The following TRMT11 variants were observed in gnomAD, a reference collection of about 807,000 sequenced individuals.
TRMT11 encodes tRNA (guanine(10)-N(2))-methyltransferase TRMT11.
A neutral mutation model predicts 62.8 loss-of-function variants in TRMT11; 53 were observed. The ratio of observed to expected loss-of-function variants is 0.84; its 90% CI spans 0.68 to 1.06. The LOEUF (loss-of-function observed/expected upper bound fraction) is 1.06, where lower values mean the gene tolerates loss of function less well. Among genes scored for constraint, TRMT11 ranks in the 50% least tolerant of loss-of-function variants. The probability of loss-of-function intolerance (pLI) is 0.00; values close to 1 mark genes in which losing one functional copy is unlikely to be tolerated. For missense variants in TRMT11, 556 were observed against 553.4 expected (o/e 1.00, Z -0.05); for synonymous variants, 188 against 190.3 (o/e 0.99, Z 0.10).
At chr6:126,241,003 C>T in the TRMT11 span, among the ~76,000 whole-genome samples, 69 of 152,344 alleles carry the variant, frequency 4.5e-4, no homozygotes, top group African/African-American at 1.4e-3. Flanking sequence ...TAGGACCCTC[C>T]GAGCCAGGCA....
At chr6:126,223,343 C>T in the TRMT11 span, among the ~76,000 whole-genome samples, 2 of 152,132 alleles carry the variant, frequency 1.3e-5, no homozygotes, top group African/African-American at 4.8e-5. Context: ...GTGACATGAA[C>T]CCGGGAGGTG....
chr6:126,054,649 T>C (rs1195819161), intron 17 of TRMT11, among the ~76,000 whole-genome samples: 1 of 152,244 alleles, frequency 6.6e-6, no homozygotes, highest in African/African-American at 2.4e-5. Context: ...ATACAAACAC[T>C]GTTTCAGGGA....
chr6:126,007,133 G>A (rs73592131), intron 7 of TRMT11, among the ~76,000 whole-genome samples: 11,912 of 152,018 alleles, frequency 0.078, 1,479 homozygotes, highest in African/African-American at 0.26. Flanking sequence ...GCTTTTTGTA[G>A]TTAGTATGAG....
At chr6:126,214,336 T>C in the TRMT11 span, among the ~76,000 whole-genome samples, 1 of 152,052 alleles carries the variant, frequency 6.6e-6, no homozygotes, top group African/African-American at 2.4e-5. Context: ...AAATATCTGG[T>C]AAAATTTAGC....
At chr6:126,206,555 T>C (rs1333301022), downstream of TRMT11, among the ~76,000 whole-genome samples, 1 of 152,216 alleles carries the variant, frequency 6.6e-6, no homozygotes, top group Non-Finnish European at 1.5e-5. Flanking sequence ...TATAAAAACA[T>C]TTAATACAAA....
At chr6:126,197,702 T>C (rs946220431) in intron 1 of TRMT11, among the ~76,000 whole-genome samples, 4 of 152,206 alleles carry the variant, frequency 2.6e-5, no homozygotes, top group Non-Finnish European at 5.9e-5. Context: ...TGTTATATCA[T>C]TGACAAGATC....
intron 17 of TRMT11, among the ~76,000 whole-genome samples, chr6:126,110,611 A>G (rs541654295): frequency 6.6e-6 from 1 of 152,294 alleles, no homozygotes; most frequent in South Asian, 2.1e-4. Context: ...GAGGTGTTGT[A>G]TAAACGTACA....
downstream of TRMT11, among the ~76,000 whole-genome samples, chr6:126,207,962 C>A (rs1317377182): frequency 6.6e-6 from 1 of 152,078 alleles, no homozygotes; most frequent in Non-Finnish European, 1.5e-5. Context: ...TAAAACTGAA[C>A]ATTAGGAAAA....
At chr6:126,095,763 C>G (rs553241597) in intron 17 of TRMT11, among the ~76,000 whole-genome samples, 5 of 152,194 alleles carry the variant, frequency 3.3e-5, no homozygotes, top group African/African-American at 1.2e-4. Context: ...GGGCCCAGGT[C>G]TAAGTGGGAG....
intron 1 of TRMT11, among the ~76,000 whole-genome samples, chr6:126,191,464 C>CTTGTTTTTTTTTTT (rs1778598703): frequency 9.8e-6 from 1 of 102,378 alleles, no homozygotes; most frequent in African/African-American, 3.5e-5. Context: ...TCCTACTTGT[C>CTTGTTTTTTTTTTT]TTTTTTTTTT....
intron 21 of TRMT11, among the ~76,000 whole-genome samples, chr6:126,151,718 C>T (rs1206948714): frequency 2.0e-5 from 3 of 151,516 alleles, no homozygotes; most frequent in South Asian, 2.1e-4. Flanking sequence ...CTCTTTCCCT[C>T]CTTCCCTCCC....
the TRMT11 span, among the ~76,000 whole-genome samples, chr6:126,217,877 C>T: frequency 6.6e-6 from 1 of 152,160 alleles, no homozygotes; most frequent in Admixed American, 6.5e-5. Flanking sequence ...AGAGATGCCA[C>T]TTGGGAGCCA....
intron 21 of TRMT11, among the ~76,000 whole-genome samples, chr6:126,162,659 G>C (rs1379099445): frequency 3.9e-5 from 6 of 152,186 alleles, no homozygotes; most frequent in Non-Finnish European, 8.8e-5. Flanking sequence ...AGGCAGCATG[G>C]CCATTTTTAT....
intron 17 of TRMT11, among the ~76,000 whole-genome samples, chr6:126,063,736 G>C (rs1445654310): frequency 6.6e-6 from 1 of 152,200 alleles, no homozygotes; most frequent in African/African-American, 2.4e-5. Context: ...CTAGACAGAA[G>C]TTGTCATTCC....
intron 21 of TRMT11, among the ~76,000 whole-genome samples, chr6:126,151,862 C>CT (rs1484943826): frequency 3.5e-5 from 4 of 112,936 alleles, no homozygotes; most frequent in South Asian, 2.8e-4. Context: ...TTCTTTCTTT[C>CT]TTTCCTTCTT....
intron 12 of TRMT11, among the ~76,000 whole-genome samples, chr6:126,023,756 A>G (rs936646477): frequency 3.3e-5 from 5 of 152,254 alleles, no homozygotes; most frequent in Non-Finnish European, 5.9e-5. Flanking sequence ...ATATTTATAT[A>G]CAGTACTTGT....
chr6:126,042,806 T>C (rs1244258532), downstream of TRMT11, among the ~76,000 whole-genome samples: 2 of 152,172 alleles, frequency 1.3e-5, no homozygotes, highest in Non-Finnish European at 2.9e-5. Flanking sequence ...AAAATTAAAA[T>C]TGAAAATGTA....
intron 2 of TRMT11, among the ~76,000 whole-genome samples, chr6:125,994,969 A>T (rs866653955): frequency 2.0e-5 from 3 of 152,254 alleles, no homozygotes; most frequent in Middle Eastern, 3.4e-3. Context: ...CACACACTGG[A>T]GCCTGTTGGG....
intron 11 of TRMT11, among the ~76,000 whole-genome samples, chr6:126,020,841 G>T (rs1397770749): frequency 6.6e-6 from 1 of 152,112 alleles, no homozygotes; most frequent in Non-Finnish European, 1.5e-5. Context: ...GTGTATTTTT[G>T]TCTACTCTTG....
Sources: allele counts gnomAD v4.1 joint callset (sites outside exome capture counted in the v4.1 genomes callset), GRCh38; gene constraint gnomAD v4.1.1; transcripts MANE v1.5; gene names NCBI Gene and HGNC (gene_info 2026-07-23, HGNC 2026-07-21).